Variants in TRHDE observed in about 807,000 individuals in gnomAD.
TRHDE encodes the protein thyrotropin releasing hormone degrading enzyme.
A neutral mutation model predicts 125.7 loss-of-function variants in TRHDE; 72 were observed. The observed-to-expected ratio is 0.57, with a 90% confidence interval of 0.47 to 0.70. The LOEUF is 0.70. TRHDE is among the 30% of genes least tolerant of loss of function. The pLI, the probability that TRHDE is intolerant of heterozygous loss-of-function variation, is 0.00. For missense variants in TRHDE, 1,110 were observed against 1,327.1 expected (o/e 0.84, Z 2.54); for synonymous variants, 509 against 509.1 (o/e 1.00, Z 0.00).
At chr12:72,240,612 C>A (rs1878458208) in intron 2 of TRHDE, among the ~76,000 whole-genome samples, 1 of 151,810 alleles carries the variant, frequency 6.6e-6, no homozygotes, top group African/African-American at 2.4e-5. Flanking sequence ...CTTTGTCACC[C>A]AGGCTGGAGT....
rs1456616860 is a variant in TRHDE, at chr12:72,503,995, C to G, written c.1722+4360C>G. On this transcript the variant is annotated intron_variant, in intron 6 of 18. Coordinates refer to ENST00000261180, the MANE Select transcript of TRHDE (RefSeq NM_013381.3). The stretch of plus-strand genomic sequence containing the variant: ...AGTGGGTAGGCCCCCTGGGATCACT[C>G]AAAGTAGAGGAGGAGCAATTTCTGA... 3.9e-5 allele frequency among the ~76,000 whole-genome samples: 6 copies of G among 152,120 alleles called. No individual in the cohort carries two copies. The South Asian group carries it at 1.2e-3, about 32-fold the overall frequency.
intron 3 of TRHDE, among the ~76,000 whole-genome samples, chr12:72,440,935 C>G (rs1217117981): frequency 6.6e-6 from 1 of 151,822 alleles, no homozygotes; most frequent in Admixed American, 6.6e-5. Context: ...GGATATTTAT[C>G]AAGAAGTTAG....
chr12:72,340,225 A>C (rs1223925529), intron 2 of TRHDE, among the ~76,000 whole-genome samples: 2 of 152,312 alleles, frequency 1.3e-5, no homozygotes, highest in East Asian at 3.9e-4. Flanking sequence ...TGGTGTGTGT[A>C]GAAGTTAGCT....
chr12:72,101,574 GTATCTTTCC>G (rs1875068571), intron 1 of TRHDE, among the ~76,000 whole-genome samples: 1 of 152,190 alleles, frequency 6.6e-6, no homozygotes, highest in African/African-American at 2.4e-5. Context: ...TATGAATGCT[GTATCTTTCC>G]ATCTGAAATC....
At chr12:72,636,601 T>C (rs1381974284) in intron 15 of TRHDE, among the ~76,000 whole-genome samples, 2 of 152,042 alleles carry the variant, frequency 1.3e-5, no homozygotes, top group Non-Finnish European at 2.9e-5. Flanking sequence ...AGGGAATGCT[T>C]CCAGTTTTTG....
At chr12:72,333,961 C>T (rs528674280) in intron 2 of TRHDE, among the ~76,000 whole-genome samples, 5 of 151,772 alleles carry the variant, frequency 3.3e-5, no homozygotes, top group South Asian at 2.1e-4. Flanking sequence ...TAAAGTCAAC[C>T]GTTTGATTTT....
intron 2 of TRHDE, among the ~76,000 whole-genome samples, chr12:72,147,020 T>C (rs1876245009): frequency 2.0e-5 from 3 of 152,120 alleles, no homozygotes; most frequent in Non-Finnish European, 2.9e-5. Context: ...CCCCTCGGCA[T>C]CCAGACGTCA....
intron 1 of TRHDE, among the ~76,000 whole-genome samples, chr12:72,279,795 C>T (rs1771136316): frequency 1.3e-5 from 2 of 152,268 alleles, no homozygotes; most frequent in East Asian, 1.9e-4. Context: ...ATTTATAGAA[C>T]TGTGGCCCCA....
At chr12:72,160,604 G>A (rs550253374) in intron 2 of TRHDE, among the ~76,000 whole-genome samples, 3 of 152,030 alleles carry the variant, frequency 2.0e-5, no homozygotes. Context: ...CAGGAAAATC[G>A]CTTGAACCTG....
chr12:72,639,520 T>C (rs1356592447), intron 15 of TRHDE, among the ~76,000 whole-genome samples: 3 of 152,254 alleles, frequency 2.0e-5, no homozygotes, highest in African/African-American at 4.8e-5. Flanking sequence ...TCATTCTCCG[T>C]CCAGCTTTGT....
At chr12:72,659,549 T>A (rs1346689270) in intron 18 of TRHDE, among the ~76,000 whole-genome samples, 1 of 152,216 alleles carries the variant, frequency 6.6e-6, no homozygotes, top group East Asian at 1.9e-4. Flanking sequence ...TTTACATAGT[T>A]ATTAAGAGTA....
At chr12:72,378,329 A>C (rs1871991420) in intron 3 of TRHDE, among the ~76,000 whole-genome samples, 1 of 152,194 alleles carries the variant, frequency 6.6e-6, no homozygotes, top group Non-Finnish European at 1.5e-5. Flanking sequence ...AGGAATTAAG[A>C]AAGGCATTAT....
rs1874979427 is a variant in TRHDE at position 72,663,080 on chromosome 12, G to T, written c.3095G>T (p.Gly1032Val). Residue 1032 changes from glycine to valine, a missense_variant, in exon 19 of 19, where the codon GGG (glycine) becomes GTG (valine). Gly to Val is a moderately radical substitution (Grantham distance 109). This residue lies in a region of TRHDE where 527 missense variants were observed against 651.8 expected (regional missense o/e 0.81). Transcript: ENST00000261180. Reference sequence around the variant, plus strand: ...AAGAACTTCATGAAAAACTATGATGGGGTAGCTGCTGCTTCTTTCTCACGA... The same window carrying T: ...AAGAACTTCATGAAAAACTATGATGTGGTAGCTGCTGCTTCTTTCTCACGA... ...ELKNFMKNYD[G>V]VAAASFSRAV... 1 of 1,611,840 alleles carries T rather than the reference G, an allele frequency of 6.2e-7. No homozygotes were observed. Among genetic ancestry groups the T allele is most frequent in the Non-Finnish European group, 8.5e-7 (1 of 1,178,870 alleles).
rs748736047 is a variant in TRHDE at position 72,562,239 on chromosome 12, T to A, written c.1854+9T>A. 4.0e-6 allele frequency: 6 copies of A among 1,504,554 alleles called. No individual in the cohort carries two copies. The highest frequency in any genetic ancestry group is 4.6e-6 in the Non-Finnish European group (5 of 1,090,054). 93.2% of individuals were successfully genotyped at this position (1,504,554 alleles called of 1,614,324 possible). A position where few individuals can be genotyped will look rare whatever the true frequency, so the allele number is the denominator to read the frequency against. ...GGAATACATTATCGGAGGTAAAGTA[T>A]AGGAAGCTTAAATATCAAAACCTCT... On this transcript the variant is annotated intron_variant, in intron 8 of 18. Transcript: ENST00000261180.
chr12:72,623,854 T>G (rs1482653371), intron 15 of TRHDE, among the ~76,000 whole-genome samples: 2 of 152,056 alleles, frequency 1.3e-5, no homozygotes, highest in African/African-American at 4.8e-5. Context: ...CTTGTAAACT[T>G]GAACAATTCA....
At chr12:72,505,659 G>T (rs1878326923) in intron 6 of TRHDE, among the ~76,000 whole-genome samples, 1 of 152,168 alleles carries the variant, frequency 6.6e-6, no homozygotes, top group African/African-American at 2.4e-5. Context: ...AAAGGTAAGA[G>T]AATTAGCAAG....
At chr12:72,172,891 T>C (rs1876903625) in intron 2 of TRHDE, among the ~76,000 whole-genome samples, 1 of 152,222 alleles carries the variant, frequency 6.6e-6, no homozygotes, top group Non-Finnish European at 1.5e-5. Context: ...TTCAAACATA[T>C]GTGGTTGCAG....
At chr12:72,653,235 G>T in intron 17 of TRHDE, 79 bp downstream of exon 17, 1 of 1,249,756 alleles carries the variant, frequency 8.0e-7, no homozygotes, top group Admixed American at 2.5e-5. Context: ...TTGTGTTAAA[G>T]CTAAGATCCA....
intron 1 of TRHDE, among the ~76,000 whole-genome samples, chr12:72,284,762 A>G (rs1028576289): frequency 7.9e-5 from 12 of 152,218 alleles, no homozygotes; most frequent in African/African-American, 1.9e-4. Context: ...CACTTTTTCA[A>G]CTTAGAAATT....
Sources: allele counts gnomAD v4.1 joint callset (sites outside exome capture counted in the v4.1 genomes callset), GRCh38; gene constraint gnomAD v4.1.1; regional missense constraint gnomAD v4.1.1; transcripts MANE v1.5; gene names NCBI Gene and HGNC (gene_info 2026-07-23, HGNC 2026-07-21).